PSD3: variants seen among roughly 807,000 people sequenced by gnomAD.
The protein encoded by PSD3 is PH and SEC7 domain-containing protein 3.
In PSD3, 49 loss-of-function variants were observed where a neutral mutation model predicts 105.5. That is an observed-to-expected ratio of 0.46 (90% CI 0.37 to 0.59). The LOEUF is 0.59. Ranked by LOEUF, PSD3 falls within the 20% of genes least tolerant of loss-of-function variation. The probability of loss-of-function intolerance (pLI) is 0.00; values close to 1 mark genes in which losing one functional copy is unlikely to be tolerated. For synonymous variants in PSD3, 557 were observed against 457.8 expected, an observed-to-expected ratio of 1.22 and a Z score of -2.77; for missense variants, 1,561 against 1,263.8, an observed-to-expected ratio of 1.24 and a Z score of -3.57.
In PSD3 at chr8:18,936,053, T is replaced by C. The variant is rs367829182; in HGVS notation, c.111A>G (p.Glu37=). The C allele has an allele frequency of 2.6e-5, 42 of 1,611,680 alleles. No homozygotes were observed. The African/African-American group carries it at 3.6e-4, about 14-fold the overall frequency. Residue 37 remains glutamate (E), a synonymous_variant, in exon 2 of 16, where the codon GAA becomes GAG. Transcript: ENST00000327040. ...ACTTACTAGTATCTGGAGCTTTCCCTTCAGATCTGCCAAATAAAAATTCAT... is the reference window on the plus strand; with the variant it reads ...ACTTACTAGTATCTGGAGCTTTCCCCTCAGATCTGCCAAATAAAAATTCAT... ...AKYEFLFGRS[E]GKAPDTSDHG...
chr8:19,065,626 T>C (rs1829050484), intron 1 of PSD3, among the ~76,000 whole-genome samples: 1 of 152,256 alleles, frequency 6.6e-6, no homozygotes. Context: ...AACCTATACA[T>C]AGGAAGAGAT....
chr8:18,801,288 C>G lies in PSD3; in HGVS notation c.2005G>C (p.Asp669His), dbSNP rs887489343. The G allele has an allele frequency of 2.5e-6, 4 of 1,590,376 alleles. No individual in the cohort carries two copies. Among genetic ancestry groups the G allele is most frequent in the Non-Finnish European group, 1.7e-6 (2 of 1,161,320 alleles). Reference sequence around the variant, plus strand: ...AGATTACCTTGTGAAGCAATGGTATCTGGGTTACAATAAAAATATCTATTG... The same window carrying G: ...AGATTACCTTGTGAAGCAATGGTATGTGGGTTACAATAAAAATATCTATTG... ...FSNRYFYCNP[D>H]TIASQDGVHC... is the part of the protein sequence containing the mutation. The change falls in exon 7 of 16, where the codon GAT (aspartate) becomes CAT (histidine). Residue 669 changes from aspartate to histidine, a missense_variant. By Grantham distance (81) the Asp-to-His change is moderately conservative. Transcript: ENST00000327040.
intron 15 of PSD3, among the ~76,000 whole-genome samples, chr8:18,538,176 A>C (rs1307753349): frequency 6.6e-6 from 1 of 152,248 alleles, no homozygotes; most frequent in Non-Finnish European, 1.5e-5. Flanking sequence ...AAATATGAAT[A>C]ATAAATATCC....
intron 14 of PSD3, among the ~76,000 whole-genome samples, chr8:18,571,153 G>A (rs185261340): frequency 4.8e-4 from 73 of 152,190 alleles, no homozygotes; most frequent in African/African-American, 1.6e-3. Context: ...GAGCCACTGT[G>A]CCCAGTCTTA....
rs537629697 is a variant in PSD3, at chr8:18,529,613, C to G, written c.*6130G>C. ...TTTGGTCTAATTACTCTTGTTCCTA[C>G]AGTTTTACAAAAGTATCTTAACAGC... is the stretch of plus-strand genomic sequence containing the variant. On this transcript the variant is annotated 3_prime_UTR_variant, in exon 16 of 16. Transcript: ENST00000327040. 1.3e-5 allele frequency: 2 copies of G among 152,704 alleles called. No homozygotes were observed. Among genetic ancestry groups the G allele is most frequent in the South Asian group, 4.1e-4 (2 of 4,828 alleles). 9.5% of individuals were successfully genotyped at this position (152,704 alleles called of 1,614,324 possible).
At chr8:18,782,849 G>C (rs979066343) in intron 8 of PSD3, among the ~76,000 whole-genome samples, 2 of 152,186 alleles carry the variant, frequency 1.3e-5, no homozygotes, top group African/African-American at 4.8e-5. Flanking sequence ...CACGCAGCTG[G>C]GTGGCACATG....
chr8:18,783,899 C>A (rs990041969), intron 8 of PSD3, among the ~76,000 whole-genome samples: 1 of 152,224 alleles, frequency 6.6e-6, no homozygotes, highest in Non-Finnish European at 1.5e-5. Context: ...GCCTCCCAGA[C>A]TGCTGGCATG....
intron 9 of PSD3, among the ~76,000 whole-genome samples, chr8:18,685,105 A>AC (rs1311069351): frequency 6.6e-5 from 10 of 152,168 alleles, no homozygotes; most frequent in African/African-American, 2.4e-4. Context: ...TCTGGGAAAA[A>AC]CGTCAGCCTC....
chr8:18,865,739 G>A (rs1034843514), intron 4 of PSD3, among the ~76,000 whole-genome samples: 1 of 152,126 alleles, frequency 6.6e-6, no homozygotes, highest in East Asian at 1.9e-4. Flanking sequence ...CCACTAGAAC[G>A]TGGTCCTTTA....
chr8:18,939,272 GA>G (rs1234315630), intron 1 of PSD3, among the ~76,000 whole-genome samples: 2 of 152,106 alleles, frequency 1.3e-5, no homozygotes, highest in Non-Finnish European at 2.9e-5. Flanking sequence ...GGGAGGGGGT[GA>G]TTTACATATT....
At chr8:19,013,422 C>T in intron 1 of PSD3, 141 bp downstream of exon 1, 2 of 1,133,356 alleles carry the variant, frequency 1.8e-6, no homozygotes, top group East Asian at 2.9e-5. Flanking sequence ...AAAAATCGCA[C>T]CCTGCACCTA....
rs547896349 is a variant in PSD3 at position 18,716,758 on chromosome 8, C to G, written c.2172+48691G>C. Among the ~76,000 whole-genome samples, 10 of 152,292 alleles carry G rather than the reference C, an allele frequency of 6.6e-5. No individual in the cohort carries two copies. In the South Asian group the frequency reaches 2.1e-3, roughly 32 times the overall value. ...ACTGTTCTCCATGCTTGATTTACATCAATAGCTTAAAAATGTACAATTTTA... is the reference window on the plus strand; with the variant it reads ...ACTGTTCTCCATGCTTGATTTACATGAATAGCTTAAAAATGTACAATTTTA... On this transcript the variant is annotated intron_variant, in intron 9 of 15. Transcript: ENST00000327040.
intron 9 of PSD3, among the ~76,000 whole-genome samples, chr8:18,670,016 A>G (rs1799688154): frequency 6.6e-6 from 1 of 152,234 alleles, no homozygotes. Flanking sequence ...CAGGTAATAA[A>G]TAAGAAAAAT....
intron 12 of PSD3, among the ~76,000 whole-genome samples, chr8:18,588,076 C>T (rs1488925): frequency 0.8 from 121,539 of 152,016 alleles, 49,190 homozygotes; most frequent in South Asian, 0.92. Context: ...TCTACTACTC[C>T]TGTTTCTGCT....
At chr8:18,992,500 C>T (rs190260872) in intron 1 of PSD3, among the ~76,000 whole-genome samples, 1 of 152,232 alleles carries the variant, frequency 6.6e-6, no homozygotes, top group Non-Finnish European at 1.5e-5. Context: ...AAAAGATGCA[C>T]AAGTTTCCAG....
intron 10 of PSD3, among the ~76,000 whole-genome samples, chr8:18,653,740 G>GAATA (rs1808691247): frequency 6.7e-6 from 1 of 150,350 alleles, no homozygotes; most frequent in South Asian, 2.1e-4. Flanking sequence ...ACCTATAAAT[G>GAATA]AATAAATAAA....
chr8:18,551,548 A>C (rs1180972284), intron 15 of PSD3, among the ~76,000 whole-genome samples: 1 of 152,214 alleles, frequency 6.6e-6, no homozygotes, highest in African/African-American at 2.4e-5. Context: ...TGTCCCAAGA[A>C]ATTTATAAGT....
At chr8:18,541,116 C>G (rs889829006) in intron 15 of PSD3, among the ~76,000 whole-genome samples, 1 of 151,196 alleles carries the variant, frequency 6.6e-6, no homozygotes, top group African/African-American at 2.4e-5. Flanking sequence ...TTTATGTTTT[C>G]CTTAGCACTT....
chr8:18,955,285 G>C (rs942638652), intron 1 of PSD3, among the ~76,000 whole-genome samples: 7 of 152,112 alleles, frequency 4.6e-5, no homozygotes, highest in African/African-American at 1.7e-4. Context: ...CTGTCACCCA[G>C]GCTGGAATGC....
Sources: gnomAD v4.1 joint callset for allele counts (sites outside exome capture counted in the v4.1 genomes callset) on GRCh38, gnomAD v4.1.1 for gene constraint, MANE v1.5 for transcripts, NCBI Gene and HGNC (gene_info 2026-07-23, HGNC 2026-07-21) for gene names.